Variants in GALP observed in about 807,000 individuals in gnomAD.
The protein encoded by GALP is galanin-like peptide.
Under a neutral mutation model 15.2 loss-of-function variants are expected in GALP, and 12 were observed. The observed-to-expected ratio is 0.79, with a 90% CI of 0.51 to 1.28. GALP has a LOEUF of 1.28. Ranked by LOEUF, GALP falls within the 50% of genes most tolerant of loss-of-function variation. The pLI, the probability that GALP is intolerant of heterozygous loss-of-function variation, is 0.00. For missense variants in GALP, 161 were observed against 145.6 expected, an observed-to-expected ratio of 1.11 and a Z score of -0.55; for synonymous variants, 58 against 55.1, an observed-to-expected ratio of 1.05 and a Z score of -0.23.
At chr19:56,184,006 C>T (rs2032612689) in intron 5 of GALP, among the ~76,000 whole-genome samples, 1 of 150,232 alleles carries the variant, frequency 6.7e-6, no homozygotes, top group Admixed American at 6.6e-5. Context: ...CCCAGGCTGG[C>T]GTGAAGTGGT....
At chr19:56,177,650 C>T (rs570765709) in intron 2 of GALP, among the ~76,000 whole-genome samples, 3 of 152,270 alleles carry the variant, frequency 2.0e-5, no homozygotes, top group Non-Finnish European at 2.9e-5. Flanking sequence ...GCCACGGCAC[C>T]CAGTCTGGGA....
In GALP at chr19:56,177,200, C is replaced by T. The variant is rs776635288; in HGVS notation, c.87+5C>T. 1.1e-5 allele frequency: 17 copies of T among 1,611,182 alleles called. No individual in the cohort carries two copies. Among genetic ancestry groups the T allele is most frequent in the Non-Finnish European group, 1.4e-5 (17 of 1,178,008 alleles). On this transcript the variant is annotated splice_donor_5th_base_variant and intron_variant, in intron 2 of 5. Coordinates refer to ENST00000357330, the MANE Select transcript of GALP (RefSeq NM_033106.4). ...GCATCCGCACCTGCCCACCGGGTAA[C>T]GCCTCCCTAAGTTCCTCGGAAACAA...
chr19:56,183,105 T>G, intron 4 of GALP, 30 bp from the exon 5 acceptor site: 1 of 1,474,626 alleles, frequency 6.8e-7, no homozygotes, highest in Non-Finnish European at 9.5e-7. Context: ...ACTACGAACG[T>G]GTGTGTGAAT....
At chr19:56,182,071 G>T (rs2032575667) in intron 3 of GALP, 101 bp from the exon 4 acceptor site, 2 of 821,458 alleles carry the variant, frequency 2.4e-6, no homozygotes, top group South Asian at 1.5e-5. Context: ...CTTGGTGGAG[G>T]CGCTGCGTCC....
At position 56,180,574 on chromosome 19, in the gene GALP, A is replaced by C; in HGVS notation, c.88-12A>C. ...TGTCTGCTTGAGTCTTGATTTCTGC[A>C]TCTCTATCCAGGGACGAGGAGGCTG... On this transcript the variant is annotated splice_polypyrimidine_tract_variant and intron_variant, in intron 2 of 5. Coordinates refer to ENST00000357330, the MANE Select transcript of GALP (RefSeq NM_033106.4). 3.1e-6 allele frequency: 5 copies of C among 1,613,266 alleles called. No individual in the cohort carries two copies. Among genetic ancestry groups the C allele is most frequent in the Non-Finnish European group, 4.2e-6 (5 of 1,179,330 alleles).
In GALP at chr19:56,183,382, C is replaced by T. The variant is rs57532371; in HGVS notation, c.295+170C>T. On this transcript the variant is annotated intron_variant, in intron 5 of 5. Coordinates refer to ENST00000357330, the MANE Select transcript of GALP (RefSeq NM_033106.4). ...CGACCACTCAGCCTCGACTGTGAAT[C>T]CCCATCCTGGCCTCGACTGCTCCCT... Among the ~76,000 whole-genome samples the T allele has an allele frequency of 2.5e-3, 381 of 152,236 alleles. 2 individuals are homozygous for T. The highest frequency in any genetic ancestry group is 8.9e-3 in the African/African-American group (370 of 41,534).
In GALP at chr19:56,180,622, C is replaced by T; in HGVS notation, c.124C>T (p.Leu42Phe). The stretch of plus-strand genomic sequence containing the variant: ...CTGGACCCTCAATAGTGCTGGCTAC[C>T]TTCTGGGTCCCGGTGAGTGAGGCTG... ...GGWTLNSAGY[L>F]LGPVLHLPQM... is the part of the protein sequence containing the mutation. Residue 42 changes from leucine (L) to phenylalanine (F), a missense_variant, in exon 3 of 6, where the codon CTT becomes TTT. Leu to Phe is a conservative substitution (Grantham distance 22, BLOSUM62 0). Coordinates refer to ENST00000357330, the MANE Select transcript of GALP (RefSeq NM_033106.4). 6.2e-7 allele frequency: 1 copy of T among 1,613,884 alleles called. No individual in the cohort carries two copies. The highest frequency in any genetic ancestry group is 8.5e-7 in the Non-Finnish European group (1 of 1,179,876).
chr19:56,185,418 A>G lies in GALP; in HGVS notation c.*148A>G. 1 of 509,912 alleles carries G rather than the reference A, an allele frequency of 2.0e-6. No homozygotes were observed. The highest frequency in any genetic ancestry group is 3.4e-6 in the Non-Finnish European group (1 of 293,224). 31.6% of individuals were successfully genotyped at this position (509,912 alleles called of 1,614,324 possible). On this transcript the variant is annotated 3_prime_UTR_variant, in exon 6 of 6. Coordinates refer to ENST00000357330, the MANE Select transcript of GALP (RefSeq NM_033106.4). ...CATTGTAAAGCATTTGAATTATTCT[A>G]AAAAATTTCTGGAGTTTCTTAGGTT...
At chr19:56,180,907 CTTTCTTTCTTTTTTT>C (rs1264555361) in intron 3 of GALP, among the ~76,000 whole-genome samples, 56 of 83,724 alleles carry the variant, frequency 6.7e-4, no homozygotes, top group African/African-American at 2.8e-3. Context: ...TTCTTTCTTT[CTTTCTTTCTTTTTTT>C]TTTTTTTTTT....
Position 56,185,620 on chromosome 19 carries a change from C to T in GALP, c.*350C>T, listed in dbSNP as rs533907460. 1 of 182,482 alleles carries T rather than the reference C, an allele frequency of 5.5e-6. No homozygotes were observed. The highest frequency in any genetic ancestry group is 1.6e-4 in the South Asian group (1 of 6,244). 11.3% of individuals were successfully genotyped at this position (182,482 alleles called of 1,614,324 possible). A position where few individuals can be genotyped will look rare whatever the true frequency, so the allele number is the denominator to read the frequency against. On this transcript the variant is annotated 3_prime_UTR_variant, in exon 6 of 6. Transcript: ENST00000357330. The stretch of plus-strand genomic sequence containing the variant: ...ACGAGCTATTGCATAATACAAATAA[C>T]CCTCTTAAGTCTGAGAGTCTGTGTC...
At chr19:56,176,860 G>A (rs1194885120) in intron 1 of GALP, among the ~76,000 whole-genome samples, 1 of 151,980 alleles carries the variant, frequency 6.6e-6, no homozygotes, top group Non-Finnish European at 1.5e-5. Flanking sequence ...ATGGGCGCTG[G>A]GGGACCAGGT....
chr19:56,183,371 C>T (rs898758351), intron 5 of GALP, among the ~76,000 whole-genome samples, 159 bp downstream of exon 5: 26 of 152,268 alleles, frequency 1.7e-4, no homozygotes, highest in Middle Eastern at 3.4e-3. Flanking sequence ...CACTCAGCCT[C>T]GACTGTGAAT....
Position 56,177,187 on chromosome 19 carries a change from G to A in GALP, c.79G>A (p.Ala27Thr), listed in dbSNP as rs749487231. 5 of 1,612,972 alleles carry A rather than the reference G, an allele frequency of 3.1e-6. 1 individual carries two copies. Among genetic ancestry groups the A allele is most frequent in the South Asian group, 2.2e-5 (2 of 91,020 alleles). Residue 27 changes from alanine to threonine, a missense_variant, in exon 2 of 6, where the codon GCC becomes ACC. Transcript: ENST00000357330. ...SLAETPASAP[A>T]HRGRGGWTLN... ...GGCAGAGACTCCAGCATCCGCACCT[G>A]CCCACCGGGTAACGCCTCCCTAAGT...
Position 56,185,405 on chromosome 19 carries a change from T to C in GALP, c.*135T>C. ...GGTCTCATGAAGACATTGTAAAGCA[T>C]TTGAATTATTCTAAAAAATTTCTGG... On this transcript the variant is annotated 3_prime_UTR_variant, in exon 6 of 6. Transcript: ENST00000357330. 1 of 525,348 alleles carries C rather than the reference T, an allele frequency of 1.9e-6. No homozygotes were observed. The highest frequency in any genetic ancestry group is 3.3e-6 in the Non-Finnish European group (1 of 301,596). The allele number at this position is 525,348 out of a possible 1,614,324, so 32.5% of individuals were successfully genotyped here.
At chr19:56,177,412 G>C (rs111265125) in intron 2 of GALP, among the ~76,000 whole-genome samples, 6,776 of 151,844 alleles carry the variant, frequency 0.045, 289 homozygotes, top group African/African-American at 0.11. Context: ...TCAGGAGGCT[G>C]AGGCAGGAGA....
At position 56,185,329 on chromosome 19, in the gene GALP, C is replaced by A; in HGVS notation, c.*59C>A. 4 of 1,050,242 alleles carry A rather than the reference C, an allele frequency of 3.8e-6. No homozygotes were observed. The highest frequency in any genetic ancestry group is 5.8e-6 in the Non-Finnish European group (4 of 689,312). 65.1% of individuals were successfully genotyped at this position (1,050,242 alleles called of 1,614,324 possible). ...CCAGCTCCTCCTGCTCCCTCTGAAA[C>A]CTTTTCTAGGTACCCTATGCTGAGA... On this transcript the variant is annotated 3_prime_UTR_variant, in exon 6 of 6. Coordinates refer to ENST00000357330, the MANE Select transcript of GALP (RefSeq NM_033106.4).
At chr19:56,182,800 T>C (rs1295720375) in intron 4 of GALP, among the ~76,000 whole-genome samples, 1 of 152,138 alleles carries the variant, frequency 6.6e-6, no homozygotes, top group Non-Finnish European at 1.5e-5. Context: ...TCAGGAGATC[T>C]GCCCCCATCA....
intron 5 of GALP, among the ~76,000 whole-genome samples, chr19:56,184,369 C>G (rs2122176403): frequency 6.6e-6 from 1 of 152,272 alleles, no homozygotes; most frequent in South Asian, 2.1e-4. Context: ...TGCCACCTTC[C>G]CACCCAATCA....
intron 2 of GALP, among the ~76,000 whole-genome samples, chr19:56,177,969 G>A (rs1184523353): frequency 2.6e-5 from 4 of 152,136 alleles, no homozygotes; most frequent in Non-Finnish European, 5.9e-5. Flanking sequence ...CATGGTGGCT[G>A]TTGTTCATAA....
Sources: gnomAD v4.1 joint callset for allele counts (sites outside exome capture counted in the v4.1 genomes callset) on GRCh38, gnomAD v4.1.1 for gene constraint, MANE v1.5 for transcripts, NCBI Gene and HGNC (gene_info 2026-07-23, HGNC 2026-07-21) for gene names.